PAPLN: variants seen among roughly 807,000 people sequenced by gnomAD.
PAPLN encodes the protein papilin.
A neutral mutation model predicts 159.0 loss-of-function variants in PAPLN; 146 were observed. The observed-to-expected ratio is 0.92, with a 90% CI of 0.80 to 1.05. PAPLN has a LOEUF of 1.05. Ranked by LOEUF, PAPLN falls within the 50% of genes least tolerant of loss-of-function variation. The pLI is 0.00. For synonymous variants in PAPLN, 734 were observed against 702.9 expected (o/e 1.04, Z -0.70); for missense variants, 1,720 against 1,743.9 (o/e 0.99, Z 0.24).
rs571844374 is a variant in PAPLN, at chr14:73,256,395, T to C, written c.1627+1377T>C. ...AAAATACAAAAAATTAGCTGGGCGT[T>C]GTGGCAGGTGCCTGTAATCCCAGTT... On this transcript the variant is annotated intron_variant, in intron 14 of 26. Transcript: ENST00000644200. Among the ~76,000 whole-genome samples, 105 of 151,832 alleles carry C rather than the reference T, an allele frequency of 6.9e-4. 2 individuals carry two copies. The highest frequency in any genetic ancestry group is 3.3e-3 in the South Asian group (16 of 4,786).
intron 2 of PAPLN, among the ~76,000 whole-genome samples, chr14:73,242,327 G>A (rs1883655786): frequency 6.6e-6 from 1 of 152,214 alleles, no homozygotes; most frequent in African/African-American, 2.4e-5. Flanking sequence ...GTGGCTCCAT[G>A]GCAGGGGTAC....
Position 73,260,757 on chromosome 14 carries a change from C to A in PAPLN, c.2034C>A (p.His678Gln). 6.8e-7 allele frequency: 1 copy of A among 1,477,810 alleles called. No homozygotes were observed. The highest frequency in any genetic ancestry group is 1.5e-5 in the South Asian group (1 of 68,050). 91.5% of individuals were successfully genotyped at this position (1,477,810 alleles called of 1,614,324 possible). A position where few individuals can be genotyped will look rare whatever the true frequency, so the allele number is the denominator to read the frequency against. ...DRVSVAEGPH[H>Q]AGCTKSYGGD... is the part of the protein sequence containing the mutation. ...TATCTGTCGCTGAGGGGCCCCATCA[C>A]GCTGGCTGCACAAAGTCGTATGGTG... Residue 678 changes from histidine to glutamine, a missense_variant, in exon 17 of 27, where the codon CAC becomes CAA. Transcript: ENST00000644200.
chr14:73,244,944 T>C (rs1194122009), intron 3 of PAPLN, 185 bp downstream of exon 3: 1 of 527,620 alleles, frequency 1.9e-6, no homozygotes, highest in Non-Finnish European at 3.3e-6. Context: ...TCCCAGGGCC[T>C]TCCACTCTGA....
At chr14:73,257,753 C>CTTTTTTTT (rs562890068) in intron 14 of PAPLN, among the ~76,000 whole-genome samples, 1,074 of 91,184 alleles carry the variant, frequency 0.012, 110 homozygotes, top group East Asian at 0.029. Context: ...TCTCTTTCTT[C>CTTTTTTTT]TTTTTTTTTT....
chr14:73,243,315 GCT>G (rs1340992318), intron 2 of PAPLN: 1 of 152,210 alleles, frequency 6.6e-6, no homozygotes, highest in Non-Finnish European at 1.5e-5. Context: ...TGACCATTGA[GCT>G]CTTTCTCTGA....
intron 2 of PAPLN, chr14:73,244,391 TC>T: frequency 2.4e-6 from 1 of 416,376 alleles, no homozygotes; most frequent in South Asian, 2.9e-5. Flanking sequence ...AACTCCAAAC[TC>T]TTCCCAGCTG....
At chr14:73,237,293 G>A (rs1158657483), upstream of PAPLN, among the ~76,000 whole-genome samples, 1 of 152,224 alleles carries the variant, frequency 6.6e-6, no homozygotes, top group African/African-American at 2.4e-5. Context: ...CCCAAGAGAG[G>A]ACAGACGGGG....
rs764799219 is a variant in PAPLN, at chr14:73,268,723, G to A, written c.3667G>A (p.Ala1223Thr). ...CACCGAGGTGAAGGTGGTCTCACCA[G>A]GTAGGAAAGGTCTATATCCGGGGAT... ...RSTEVKVVSP[A>T]PTAQPRDPGR... The change falls in exon 26 of 27, where the codon GCA (alanine) becomes ACA (threonine). Residue 1223 changes from alanine (A) to threonine (T), a missense_variant and splice_region_variant. By Grantham distance (58) the Ala-to-Thr change is moderately conservative. Transcript: ENST00000644200. The A allele has an allele frequency of 3.7e-6, 6 of 1,607,980 alleles. No individual in the cohort carries two copies. Among genetic ancestry groups the A allele is most frequent in the Non-Finnish European group, 5.1e-6 (6 of 1,177,052 alleles).
chr14:73,236,803 T>G (rs1213643262), upstream of PAPLN, among the ~76,000 whole-genome samples: 7 of 117,700 alleles, frequency 5.9e-5, no homozygotes, highest in East Asian at 4.8e-4. Context: ...GCAACAAGAG[T>G]GAAACTCCGT....
chr14:73,248,182 T>C (rs1311649178), intron 5 of PAPLN, among the ~76,000 whole-genome samples: 3 of 144,908 alleles, frequency 2.1e-5, no homozygotes, highest in Non-Finnish European at 3.0e-5. Flanking sequence ...TGTGTGTGTG[T>C]GTGTGTCTGT....
chr14:73,249,733 G>T, intron 5 of PAPLN: 1 of 226,276 alleles, frequency 4.4e-6, no homozygotes, highest in Non-Finnish European at 8.5e-6. Context: ...GGTAAATAAT[G>T]CTGAGGTAGA....
intron 26 of PAPLN, among the ~76,000 whole-genome samples, chr14:73,271,690 T>C (rs991583521): frequency 2.0e-5 from 3 of 152,002 alleles, no homozygotes; most frequent in Non-Finnish European, 4.4e-5. Context: ...TTAGTAGAGA[T>C]GGGGTTTCAC....
Position 73,250,914 on chromosome 14 carries a change from G to A in PAPLN, c.473G>A (p.Gly158Asp). ...VCVDGSCRVV[G>D]CDHELDSSKQ... is the part of the protein sequence containing the mutation. ...CCGCATCTCTGCCCACAGGTTGTCG[G>A]CTGTGATCACGAGCTGGACTCGTCC... The change falls in exon 7 of 27, where the codon GGC becomes GAC. Residue 158 changes from glycine (G) to aspartate (D), a missense_variant. Coordinates refer to ENST00000644200, the MANE Select transcript of PAPLN (RefSeq NM_001365906.3). 1 of 1,612,184 alleles carries A rather than the reference G, an allele frequency of 6.2e-7. No individual in the cohort carries two copies. The highest frequency in any genetic ancestry group is 1.1e-5 in the South Asian group (1 of 90,928).
At chr14:73,252,898 G>A in intron 11 of PAPLN, 123 bp downstream of exon 11, 1 of 1,463,132 alleles carries the variant, frequency 6.8e-7, no homozygotes, top group Admixed American at 2.0e-5. Context: ...CCCCCACGCT[G>A]TGGCTGGGGT....
In PAPLN at chr14:73,245,583, GGGGCAGGGACGTTGGGTCTC is replaced by G. The variant is rs1245774841; in HGVS notation, c.171-50_171-31del. 3 of 1,535,808 alleles carry G rather than the reference GGGGCAGGGACGTTGGGTCTC, an allele frequency of 2.0e-6. No individual in the cohort carries two copies. Among genetic ancestry groups the G allele is most frequent in the Non-Finnish European group, 2.6e-6 (3 of 1,138,628 alleles). On this transcript the variant is annotated intron_variant, in intron 3 of 26. Coordinates refer to ENST00000644200, the MANE Select transcript of PAPLN (RefSeq NM_001365906.3). The surrounding 1 kb of genome is among the most constrained non-coding windows in gnomAD (Gnocchi z 4.2). ...GGGGCCTGCAGAGAGCCCCAGAACGGGGGCAGGGACGTTGGGTCTCGGTCAGGTCTTCCCGGTGCTCTGGT... is the reference window on the plus strand; with the variant it reads ...GGGGCCTGCAGAGAGCCCCAGAACGGGGTCAGGTCTTCCCGGTGCTCTGGT...
intron 23 of PAPLN, 45 bp from the exon 24 acceptor site, chr14:73,266,456 G>A (rs959157907): frequency 6.2e-7 from 1 of 1,606,256 alleles, no homozygotes; most frequent in Non-Finnish European, 8.5e-7. Flanking sequence ...GGAGGAGAGG[G>A]GAGGCTCCTT....
At chr14:73,252,615 G>A (rs11159011) in intron 10 of PAPLN, 34 bp from the exon 11 acceptor site, 138,506 of 1,604,606 alleles carry the variant, frequency 0.086, 6,914 homozygotes, top group South Asian at 0.17. Context: ...AATGTTGACT[G>A]GCGTCTGCCC....
intron 19 of PAPLN, chr14:73,263,119 T>G (rs1886773834): frequency 5.2e-6 from 2 of 381,656 alleles, no homozygotes; most frequent in Non-Finnish European, 9.3e-6. Context: ...TGGAAAAGTT[T>G]ATTGGCTTCG....
chr14:73,255,201 C>T (rs1045112493), intron 14 of PAPLN, among the ~76,000 whole-genome samples, 183 bp downstream of exon 14: 1 of 152,194 alleles, frequency 6.6e-6, no homozygotes, highest in Non-Finnish European at 1.5e-5. Flanking sequence ...GGTGTGCAGC[C>T]CACCAGGCAG....
Sources: gnomAD v4.1 joint callset for allele counts (sites outside exome capture counted in the v4.1 genomes callset) on GRCh38, gnomAD v4.1.1 for gene constraint, Gnocchi (gnomAD v3.1) non-coding constraint, MANE v1.5 for transcripts, NCBI Gene and HGNC (gene_info 2026-07-23, HGNC 2026-07-21) for gene names.